The following GALNT13 variants were observed in gnomAD, a reference collection of about 807,000 sequenced individuals.
The protein encoded by GALNT13 is polypeptide N-acetylgalactosaminyltransferase 13.
GALNT13 carries 28 observed loss-of-function variants against 64.2 expected under a neutral mutation model. The ratio of observed to expected loss-of-function variants is 0.44; its 90% confidence interval spans 0.32 to 0.60. The LOEUF (loss-of-function observed/expected upper bound fraction) is 0.60. Among genes scored for constraint, GALNT13 ranks in the 20% least tolerant of loss-of-function variants. GALNT13 has a pLI of 0.05. For synonymous variants in GALNT13, 214 were observed against 224.6 expected (o/e 0.95, Z 0.42); for missense variants, 577 against 669.8 (o/e 0.86, Z 1.53).
the GALNT13 span, among the ~76,000 whole-genome samples, chr2:153,133,599 C>CTA: frequency 6.6e-6 from 1 of 152,070 alleles, no homozygotes; most frequent in African/African-American, 2.4e-5. Context: ...GGAGAAAGTC[C>CTA]TATAACAGCT....
chr2:154,438,500 T>G lies in GALNT13; in HGVS notation c.1396-92T>G. The G allele has an allele frequency of 5.9e-6, 5 of 853,972 alleles. No homozygotes were observed. In the South Asian group the frequency reaches 9.8e-5, roughly 17 times the overall value. The allele number at this position is 853,972 out of a possible 1,614,324, so 52.9% of individuals were successfully genotyped here. On this transcript the variant is annotated intron_variant, in intron 11 of 12. Transcript: ENST00000392825. The stretch of plus-strand genomic sequence containing the variant: ...CCAGCAATCGTTTGAAAACACAAGT[T>G]TATCTGATACGAAAGCTTCCCTGGA...
chr2:154,374,852 G>A (rs535219742), intron 9 of GALNT13, among the ~76,000 whole-genome samples: 2 of 152,072 alleles, frequency 1.3e-5, no homozygotes, highest in African/African-American at 2.4e-5. Flanking sequence ...AAAAGACAAC[G>A]AGCTAAATAA....
chr2:153,611,578 C>T, the GALNT13 span, among the ~76,000 whole-genome samples: 2 of 149,068 alleles, frequency 1.3e-5, no homozygotes, highest in Admixed American at 6.7e-5. Flanking sequence ...CCAGGCTGGT[C>T]TTGAACTTGT....
intron 9 of GALNT13, among the ~76,000 whole-genome samples, chr2:154,348,047 T>C (rs1287376860): frequency 2.0e-5 from 3 of 152,200 alleles, no homozygotes; most frequent in Non-Finnish European, 4.4e-5. Context: ...AGTTCCTGCT[T>C]AAGACCTGTC....
At chr2:153,552,583 T>C in the GALNT13 span, among the ~76,000 whole-genome samples, 68 of 141,408 alleles carry the variant, frequency 4.8e-4, no homozygotes, top group East Asian at 0.011. Context: ...TTCTTTTTTT[T>C]TTTTTTTTTT....
the GALNT13 span, chr2:153,421,814 A>T: frequency 1.6e-5 from 3 of 185,102 alleles, no homozygotes; most frequent in South Asian, 3.4e-4. Context: ...AGAGGCGTAG[A>T]ATCAATTATC....
At chr2:154,221,842 A>G (rs1159697215) in intron 4 of GALNT13, among the ~76,000 whole-genome samples, 1 of 152,050 alleles carries the variant, frequency 6.6e-6, no homozygotes, top group African/African-American at 2.4e-5. Flanking sequence ...CATTTGTTTT[A>G]CCGTTCATTA....
At chr2:153,719,437 A>C in the GALNT13 span, among the ~76,000 whole-genome samples, 1 of 152,162 alleles carries the variant, frequency 6.6e-6, no homozygotes, top group Non-Finnish European at 1.5e-5. Context: ...CCTTTGAGAA[A>C]AGCTAATATG....
intron 1 of GALNT13, among the ~76,000 whole-genome samples, chr2:153,881,270 T>A (rs1320194431): frequency 6.6e-6 from 1 of 152,164 alleles, no homozygotes; most frequent in Non-Finnish European, 1.5e-5. Context: ...AAACAACCAA[T>A]ATATGGTTCA....
chr2:153,880,628 T>C (rs930194386), intron 1 of GALNT13, among the ~76,000 whole-genome samples: 28 of 152,276 alleles, frequency 1.8e-4, no homozygotes, highest in African/African-American at 6.5e-4. Context: ...CTGAGACTTA[T>C]ATTTCTTCGA....
chr2:153,959,374 A>G (rs1692788595), intron 3 of GALNT13, among the ~76,000 whole-genome samples: 1 of 152,212 alleles, frequency 6.6e-6, no homozygotes, highest in African/African-American at 2.4e-5. Flanking sequence ...GACCTCTAAC[A>G]ACCAAGTGTA....
At chr2:154,187,753 T>C (rs1438239564) in intron 4 of GALNT13, among the ~76,000 whole-genome samples, 3 of 152,112 alleles carry the variant, frequency 2.0e-5, no homozygotes, top group African/African-American at 7.2e-5. Context: ...GAAAGGCAAC[T>C]AATTTACTGC....
At chr2:153,741,140 A>C in the GALNT13 span, among the ~76,000 whole-genome samples, 2 of 152,110 alleles carry the variant, frequency 1.3e-5, no homozygotes, top group African/African-American at 2.4e-5. Flanking sequence ...TTTGATTTTT[A>C]AATTTGGTAA....
At chr2:153,217,667 CG>C in the GALNT13 span, among the ~76,000 whole-genome samples, 2 of 129,286 alleles carry the variant, frequency 1.5e-5, no homozygotes, top group Non-Finnish European at 3.5e-5. Flanking sequence ...CTAGCATTTC[CG>C]TTAATTATTT....
intron 4 of GALNT13, among the ~76,000 whole-genome samples, chr2:154,190,230 C>T (rs1686498983): frequency 6.6e-6 from 1 of 152,152 alleles, no homozygotes; most frequent in South Asian, 2.1e-4. Context: ...CCTGGCAAGT[C>T]AAGGCTCAAA....
intron 3 of GALNT13, among the ~76,000 whole-genome samples, chr2:154,092,659 G>A (rs891250376): frequency 6.6e-6 from 1 of 151,990 alleles, no homozygotes; most frequent in Non-Finnish European, 1.5e-5. Flanking sequence ...GTACTTAGGG[G>A]CTAGTTAACA....
chr2:153,130,277 C>T, the GALNT13 span, among the ~76,000 whole-genome samples: 1 of 152,106 alleles, frequency 6.6e-6, no homozygotes, highest in Non-Finnish European at 1.5e-5. Flanking sequence ...ATCAGCCACT[C>T]CTCTCCTCAA....
intron 4 of GALNT13, among the ~76,000 whole-genome samples, chr2:154,172,442 C>T (rs1038539913): frequency 2.6e-5 from 4 of 151,958 alleles, no homozygotes; most frequent in Non-Finnish European, 5.9e-5. Flanking sequence ...TCTTTATCCT[C>T]CCTCCCCACT....
At chr2:154,421,962 C>T (rs548295412) in intron 11 of GALNT13, among the ~76,000 whole-genome samples, 1 of 152,098 alleles carries the variant, frequency 6.6e-6, no homozygotes, top group African/African-American at 2.4e-5. Context: ...AGGAAAAGTT[C>T]TGATAAGGAC....
Sources: allele counts gnomAD v4.1 joint callset (sites outside exome capture counted in the v4.1 genomes callset), GRCh38; gene constraint gnomAD v4.1.1; transcripts MANE v1.5; gene names NCBI Gene and HGNC (gene_info 2026-07-23, HGNC 2026-07-21).